Variants in SNPH observed in about 807,000 individuals in gnomAD.
SNPH encodes the protein syntaphilin.
Under a neutral mutation model 36.8 loss-of-function variants are expected in SNPH, and 10 were observed. The observed-to-expected ratio is 0.27, with a 90% CI of 0.17 to 0.46. SNPH has a LOEUF of 0.46. Among genes scored for constraint, SNPH ranks in the 20% least tolerant of loss-of-function variants. SNPH has a pLI of 1.00. For missense variants in SNPH, 622 were observed against 744.0 expected, an observed-to-expected ratio of 0.84 and a Z score of 1.91; for synonymous variants, 281 against 312.2, an observed-to-expected ratio of 0.90 and a Z score of 1.05.
chr20:1,266,467 A>T lies in SNPH; in HGVS notation c.-600+70A>T. The T allele has an allele frequency of 1.3e-6, 1 of 795,792 alleles. No individual in the cohort carries two copies. Among genetic ancestry groups the T allele is most frequent in the Non-Finnish European group, 1.8e-6 (1 of 556,044 alleles). 49.3% of individuals were successfully genotyped at this position (795,792 alleles called of 1,614,324 possible). A position where few individuals can be genotyped will look rare whatever the true frequency, so the allele number is the denominator to read the frequency against. Reference sequence around the variant, plus strand: ...GCACCCGCCGCAGTCCAGAGTGCCGAGTGCCAGGGGGTGGGGTGGGGGCCG... The same window carrying T: ...GCACCCGCCGCAGTCCAGAGTGCCGTGTGCCAGGGGGTGGGGTGGGGGCCG... On this transcript the variant is annotated intron_variant, in intron 1 of 6. Coordinates refer to ENST00000381867, the MANE Select transcript of SNPH (RefSeq NM_001318234.2). This position sits in a 1 kb window ranked among gnomAD's most constrained non-coding sequence, Gnocchi z 6.0.
At chr20:1,287,487 GC>G (rs1452546913) in intron 2 of SNPH, among the ~76,000 whole-genome samples, 2 of 152,130 alleles carry the variant, frequency 1.3e-5, no homozygotes, top group Non-Finnish European at 2.9e-5. Flanking sequence ...CTAGCCCCAA[GC>G]CCAGGCTCTG....
Position 1,266,664 on chromosome 20 carries a change from AG to A in SNPH, c.-586del. 1 of 1,487,146 alleles carries A rather than the reference AG, an allele frequency of 6.7e-7. No individual in the cohort carries two copies. The highest frequency in any genetic ancestry group is 1.3e-5 in the South Asian group (1 of 77,150). 92.1% of individuals were successfully genotyped at this position (1,487,146 alleles called of 1,614,324 possible). ...TTCCTAACCCCGCAGGTCGCTGATCAGGGCCAGGCGGCTGCAGCAGCGACTG... is the reference window on the plus strand; with the variant it reads ...TTCCTAACCCCGCAGGTCGCTGATCAGGCCAGGCGGCTGCAGCAGCGACTG... On this transcript the variant is annotated 5_prime_UTR_variant, in exon 2 of 7. Transcript: ENST00000381867. The surrounding 1 kb of genome is among the most constrained non-coding windows in gnomAD (Gnocchi z 6.0).
In SNPH at chr20:1,300,487, T is replaced by G. The variant is rs187905885; in HGVS notation, c.291-75T>G. The G allele has an allele frequency of 2.7e-5, 42 of 1,544,400 alleles. No homozygotes were observed. In the East Asian group the frequency reaches 5.7e-4, roughly 21 times the overall value. On this transcript the variant is annotated intron_variant, in intron 5 of 6. Transcript: ENST00000381867. ...AGGGATGGTGAGGCTGGTGTCCCCT[T>G]GCTCCCCAGAGGTAAAGCACCTGTG...
In SNPH at chr20:1,266,305, C is replaced by T. The variant is rs1289209983; in HGVS notation, c.-692C>T. 1.0e-5 allele frequency: 2 copies of T among 198,870 alleles called. No homozygotes were observed. Among genetic ancestry groups the T allele is most frequent in the Non-Finnish European group, 2.0e-5 (2 of 99,110 alleles). The allele number at this position is 198,870 out of a possible 1,614,324, so 12.3% of individuals were successfully genotyped here. A position where few individuals can be genotyped will look rare whatever the true frequency, so the allele number is the denominator to read the frequency against. ...CCCTCCCTCCCGGCAGCCCCAGCCC[C>T]GGCGAGCACCCAGCTAGCCGCCTCC... is the stretch of plus-strand genomic sequence containing the variant. On this transcript the variant is annotated 5_prime_UTR_variant, in exon 1 of 7. Coordinates refer to ENST00000381867, the MANE Select transcript of SNPH (RefSeq NM_001318234.2). This position sits in a 1 kb window ranked among gnomAD's most constrained non-coding sequence, Gnocchi z 6.0.
chr20:1,272,878 G>A (rs1001817046), intron 2 of SNPH, among the ~76,000 whole-genome samples: 2 of 152,230 alleles, frequency 1.3e-5, no homozygotes, highest in African/African-American at 4.8e-5. Context: ...AGTCTCTGGG[G>A]ACTGAGGCCT....
chr20:1,266,577 G>C lies in SNPH; in HGVS notation c.-599-77G>C. 7.1e-7 allele frequency: 1 copy of C among 1,404,134 alleles called. No individual in the cohort carries two copies. The highest frequency in any genetic ancestry group is 9.2e-7 in the Non-Finnish European group (1 of 1,086,066). 87.0% of individuals were successfully genotyped at this position (1,404,134 alleles called of 1,614,324 possible). A position where few individuals can be genotyped will look rare whatever the true frequency, so the allele number is the denominator to read the frequency against. ...GGCTGCAGCGGCCCAGCTGTCAGCG[G>C]CCGGGGGCTCAGCTGCCTGGGTGTT... On this transcript the variant is annotated intron_variant, in intron 1 of 6. Coordinates refer to ENST00000381867, the MANE Select transcript of SNPH (RefSeq NM_001318234.2). The surrounding 1 kb of genome is among the most constrained non-coding windows in gnomAD (Gnocchi z 6.0).
rs1423039009 is a variant in SNPH, at chr20:1,307,645, T to C, written c.*1591T>C. 1 of 152,656 alleles carries C rather than the reference T, an allele frequency of 6.6e-6. No individual in the cohort carries two copies. The highest frequency in any genetic ancestry group is 1.5e-5 in the Non-Finnish European group (1 of 68,128). The allele number at this position is 152,656 out of a possible 1,614,324, so 9.5% of individuals were successfully genotyped here. A position where few individuals can be genotyped will look rare whatever the true frequency, so the allele number is the denominator to read the frequency against. ...AACAGCCATTGCCTAACTCATGGGC[T>C]CTGCCCTTCTGCTCGGTGCCCTCCA... is the stretch of plus-strand genomic sequence containing the variant. On this transcript the variant is annotated 3_prime_UTR_variant, in exon 7 of 7. Coordinates refer to ENST00000381867, the MANE Select transcript of SNPH (RefSeq NM_001318234.2).
intron 2 of SNPH, among the ~76,000 whole-genome samples, chr20:1,280,949 G>GAACA (rs1352946736): frequency 6.6e-6 from 1 of 152,118 alleles, no homozygotes; most frequent in Non-Finnish European, 1.5e-5. Context: ...CCAAGCCCAG[G>GAACA]GTGCTGCTGT....
At position 1,304,791 on chromosome 20, in the gene SNPH, G is replaced by C; in HGVS notation, c.441-87G>C. ...AGCAGCACAGGGCCCTTCATCCTTG[G>C]CAACAGTGTCCTCTCCCTGCCTCTC... On this transcript the variant is annotated intron_variant, in intron 6 of 6. Coordinates refer to ENST00000381867, the MANE Select transcript of SNPH (RefSeq NM_001318234.2). This position sits in a 1 kb window ranked among gnomAD's most constrained non-coding sequence, Gnocchi z 4.3. 1 of 1,311,434 alleles carries C rather than the reference G, an allele frequency of 7.6e-7. No homozygotes were observed. Among genetic ancestry groups the C allele is most frequent in the Non-Finnish European group, 1.1e-6 (1 of 931,918 alleles). 81.2% of individuals were successfully genotyped at this position (1,311,434 alleles called of 1,614,324 possible).
At chr20:1,268,090 G>A (rs2088029580) in intron 2 of SNPH, among the ~76,000 whole-genome samples, 1 of 152,206 alleles carries the variant, frequency 6.6e-6, no homozygotes, top group Non-Finnish European at 1.5e-5. Flanking sequence ...CCACACCCCT[G>A]CAGATGGTGT....
chr20:1,266,664 A>G lies in SNPH; in HGVS notation c.-589A>G. ...TTCCTAACCCCGCAGGTCGCTGATCAGGGCCAGGCGGCTGCAGCAGCGACT... is the reference window on the plus strand; with the variant it reads ...TTCCTAACCCCGCAGGTCGCTGATCGGGGCCAGGCGGCTGCAGCAGCGACT... On this transcript the variant is annotated 5_prime_UTR_variant, in exon 2 of 7. Transcript: ENST00000381867. This position sits in a 1 kb window ranked among gnomAD's most constrained non-coding sequence, Gnocchi z 6.0. 6.7e-7 allele frequency: 1 copy of G among 1,487,148 alleles called. No homozygotes were observed. Among genetic ancestry groups the G allele is most frequent in the East Asian group, 3.0e-5 (1 of 33,254 alleles). The allele number at this position is 1,487,148 out of a possible 1,614,324, so 92.1% of individuals were successfully genotyped here.
chr20:1,277,431 A>G (rs947715915), intron 2 of SNPH, among the ~76,000 whole-genome samples: 5 of 142,822 alleles, frequency 3.5e-5, no homozygotes, highest in Admixed American at 6.9e-5. Flanking sequence ...GTGTCTGTGT[A>G]TGTGTGCCTG....
chr20:1,304,783 C>T lies in SNPH; in HGVS notation c.441-95C>T, dbSNP rs2088545249. The T allele has an allele frequency of 2.5e-6, 3 of 1,203,844 alleles. No individual in the cohort carries two copies. Among genetic ancestry groups the T allele is most frequent in the African/African-American group, 3.0e-5 (2 of 66,680 alleles). The allele number at this position is 1,203,844 out of a possible 1,614,324, so 74.6% of individuals were successfully genotyped here. A position where few individuals can be genotyped will look rare whatever the true frequency, so the allele number is the denominator to read the frequency against. ...TGAGCCACAGCAGCACAGGGCCCTT[C>T]ATCCTTGGCAACAGTGTCCTCTCCC... On this transcript the variant is annotated intron_variant, in intron 6 of 6. Transcript: ENST00000381867. This position sits in a 1 kb window ranked among gnomAD's most constrained non-coding sequence, Gnocchi z 4.3.
At chr20:1,289,106 G>A (rs1268666593) in intron 2 of SNPH, among the ~76,000 whole-genome samples, 1 of 152,114 alleles carries the variant, frequency 6.6e-6, no homozygotes, top group Non-Finnish European at 1.5e-5. Context: ...AAGTGTCCCA[G>A]GTCTACTGTA....
chr20:1,305,484 G>A lies in SNPH; in HGVS notation c.1047G>A (p.Gln349=), dbSNP rs1343607109. Residue 349 remains glutamine (Q), a synonymous_variant, in exon 7 of 7, where the codon CAG becomes CAA. Coordinates refer to ENST00000381867, the MANE Select transcript of SNPH (RefSeq NM_001318234.2). ...TGTGTGGCATGGAGGCTGGTGTGCA[G>A]GCCAGCTGCATGCAGGAGCGTGCCA... The part of the protein sequence containing the change: ...KLLCGMEAGV[Q]ASCMQERAIQ... 3.7e-6 allele frequency: 6 copies of A among 1,613,252 alleles called. No individual in the cohort carries two copies. Among genetic ancestry groups the A allele is most frequent in the Non-Finnish European group, 4.2e-6 (5 of 1,180,040 alleles).
rs2088559880 is a variant in SNPH, at chr20:1,305,393, C to A, written c.956C>A (p.Thr319Asn). 6.2e-7 allele frequency: 1 copy of A among 1,612,992 alleles called. No individual in the cohort carries two copies. The highest frequency in any genetic ancestry group is 1.1e-5 in the South Asian group (1 of 91,084). ...GGGGTGGACTGTGGCACCGAGGAGA[C>A]CTCGCTGCACAGCTCCTTCGGCCTG... Reference protein sequence around the residue: ...SSGVDCGTEETSLHSSFGLGP... With the variant: ...SSGVDCGTEENSLHSSFGLGP... The change falls in exon 7 of 7, where the codon ACC becomes AAC. Residue 319 changes from threonine to asparagine, a missense_variant. Coordinates refer to ENST00000381867, the MANE Select transcript of SNPH (RefSeq NM_001318234.2).
chr20:1,279,094 A>G (rs2088185496), intron 2 of SNPH, among the ~76,000 whole-genome samples: 1 of 152,228 alleles, frequency 6.6e-6, no homozygotes, highest in South Asian at 2.1e-4. Context: ...CTAGAAGAAG[A>G]ATGGTTGTAT....
rs2088578095 is a variant in SNPH, at chr20:1,306,244, A to G, written c.*190A>G. 4.0e-6 allele frequency: 2 copies of G among 499,540 alleles called. No individual in the cohort carries two copies. Among genetic ancestry groups the G allele is most frequent in the African/African-American group, 2.0e-5 (1 of 50,018 alleles). 30.9% of individuals were successfully genotyped at this position (499,540 alleles called of 1,614,324 possible). On this transcript the variant is annotated 3_prime_UTR_variant, in exon 7 of 7. Coordinates refer to ENST00000381867, the MANE Select transcript of SNPH (RefSeq NM_001318234.2). The stretch of plus-strand genomic sequence containing the variant: ...TGGAGAAAGGCATCCCAAAGCTTCG[A>G]TGGAGAGCAGGGAAGGGGGACCCAA...
intron 2 of SNPH, among the ~76,000 whole-genome samples, chr20:1,290,246 T>C (rs984504048): frequency 2.0e-5 from 3 of 151,836 alleles, no homozygotes; most frequent in African/African-American, 7.3e-5. Flanking sequence ...AAATGTACAA[T>C]TCAGGGATTT....
Sources: allele counts gnomAD v4.1 joint callset (sites outside exome capture counted in the v4.1 genomes callset), GRCh38; gene constraint gnomAD v4.1.1; non-coding constraint Gnocchi (gnomAD v3.1); transcripts MANE v1.5; gene names NCBI Gene and HGNC (gene_info 2026-07-23, HGNC 2026-07-21).